JMJD7: variants seen among roughly 807,000 people sequenced by gnomAD.
JMJD7 encodes the protein bifunctional peptidase and (3S)-lysyl hydroxylase JMJD7.
In JMJD7, 41 loss-of-function variants were observed where a neutral mutation model predicts 41.1. That is an observed-to-expected ratio of 1.00 (90% CI 0.78 to 1.30). The LOEUF is 1.30. JMJD7 is among the 50% of genes most tolerant of loss of function. The pLI is 0.00. For missense variants in JMJD7, 480 were observed against 420.7 expected (o/e 1.14, Z -1.23); for synonymous variants, 202 against 177.2 (o/e 1.14, Z -1.11).
In JMJD7 at chr15:41,835,509, G is replaced by A. The variant is rs1885358405; in HGVS notation, c.473-79G>A. The A allele has an allele frequency of 1.9e-6, 3 of 1,559,426 alleles. No individual in the cohort carries two copies. In the South Asian group the frequency reaches 3.6e-5, roughly 19 times the overall value. ...TTGGGATTCTTCTGTGCTCACCCAG[G>A]TTTTGGCTCTGGCATCACTGGATGG... On this transcript the variant is annotated intron_variant, in intron 3 of 7. Transcript: ENST00000397299.
rs144517850 is a variant in JMJD7 at position 41,836,209 on chromosome 15, C to A, written c.591C>A (p.Phe197Leu). 6.2e-7 allele frequency: 1 copy of A among 1,612,882 alleles called. No individual in the cohort carries two copies. Among genetic ancestry groups the A allele is most frequent in the African/African-American group, 1.3e-5 (1 of 74,884 alleles). ...CVVSGEKHFL[F>L]HPPSDRPFIP... ...TCTCAGGAGAGAAGCATTTCCTGTT[C>A]CATCCGCCCAGCGACCGGCCCTTCA... Residue 197 changes from phenylalanine to leucine, a missense_variant, in exon 5 of 8, where the codon TTC (phenylalanine) becomes TTA (leucine). Transcript: ENST00000397299.
rs751244075 is a variant in JMJD7, at chr15:41,834,778, C to T, written c.103C>T (p.Pro35Ser). 4 of 1,614,172 alleles carry T rather than the reference C, an allele frequency of 2.5e-6. No individual in the cohort carries two copies. The highest frequency in any genetic ancestry group is 4.5e-5 in the East Asian group (2 of 44,888). Residue 35 changes from proline to serine, a missense_variant, in exon 2 of 8, where the codon CCC becomes TCC. By Grantham distance (74) the Pro-to-Ser change is moderately conservative. Coordinates refer to ENST00000397299, the MANE Select transcript of JMJD7 (RefSeq NM_001114632.2). ...VPLAVPYLDK[P>S]PTPLHFYRDW... The stretch of plus-strand genomic sequence containing the variant: ...TCTTGCTGTGCCCTACCTGGACAAA[C>T]CCCCAACTCCGCTCCACTTCTACCG...
Position 41,834,758 on chromosome 15 carries a change from C to T in JMJD7, c.83C>T (p.Ala28Val). 6.2e-7 allele frequency: 1 copy of T among 1,614,140 alleles called. No homozygotes were observed. Among genetic ancestry groups the T allele is most frequent in the Non-Finnish European group, 8.5e-7 (1 of 1,180,018 alleles). ...CTCTCAGAGCTCTGCGTGCCTCTTG[C>T]TGTGCCCTACCTGGACAAACCCCCA... ...AAARELCVPL[A>V]VPYLDKPPTP... Residue 28 changes from alanine (A) to valine (V), a missense_variant, in exon 2 of 8, where the codon GCT becomes GTT. Coordinates refer to ENST00000397299, the MANE Select transcript of JMJD7 (RefSeq NM_001114632.2).
chr15:41,828,111 G>A lies in JMJD7; in HGVS notation c.-14G>A, dbSNP rs753239869. The A allele has an allele frequency of 1.4e-6, 2 of 1,442,978 alleles. No individual in the cohort carries two copies. The highest frequency in any genetic ancestry group is 3.0e-5 in the Admixed American group (1 of 33,014). 89.4% of individuals were successfully genotyped at this position (1,442,978 alleles called of 1,614,324 possible). ...TCGGGGAAAGGCGGGGTCTCGGCCG[G>A]CGCTGACGCAGCCATGGCGGAGGCG... On this transcript the variant is annotated 5_prime_UTR_variant, in exon 1 of 8. Transcript: ENST00000397299.
chr15:41,832,477 A>G (rs567822581), intron 1 of JMJD7: 1 of 153,230 alleles, frequency 6.5e-6, no homozygotes, highest in East Asian at 1.9e-4. Context: ...TACAACAGGA[A>G]GATGTACTGA....
rs1474866434 is a variant in JMJD7, at chr15:41,837,099, C to T, written c.894C>T (p.Leu298=). ...TCTGGTATGACATGGAATACGACCT[C>T]AAGTATAGTTACTTCCAGCTGCTCG... is the stretch of plus-strand genomic sequence containing the variant. ...VNFWYDMEYD[L]KYSYFQLLDS... The change falls in exon 8 of 8, where the codon CTC becomes CTT. Residue 298 remains leucine, a synonymous_variant. Coordinates refer to ENST00000397299, the MANE Select transcript of JMJD7 (RefSeq NM_001114632.2). 1.9e-6 allele frequency: 3 copies of T among 1,613,740 alleles called. No homozygotes were observed. Among genetic ancestry groups the T allele is most frequent in the Non-Finnish European group, 8.5e-7 (1 of 1,179,744 alleles).
At chr15:41,828,853 AAC>A (rs1212960906) in intron 1 of JMJD7, among the ~76,000 whole-genome samples, 12 of 152,310 alleles carry the variant, frequency 7.9e-5, no homozygotes, top group African/African-American at 2.6e-4. Flanking sequence ...TAGCCTGCTA[AAC>A]ACACTCTTCT....
intron 5 of JMJD7, 58 bp from the exon 6 acceptor site, chr15:41,836,417 G>T (rs537766249): frequency 5.3e-5 from 83 of 1,557,816 alleles, no homozygotes; most frequent in Admixed American, 4.5e-4. Flanking sequence ...GTGGAGGAGG[G>T]TCTGGCAAGT....
At chr15:41,833,418 T>A (rs7169148) in intron 1 of JMJD7, among the ~76,000 whole-genome samples, 935 of 50,484 alleles carry the variant, frequency 0.019, 11 homozygotes, top group African/African-American at 0.056. Flanking sequence ...ATATATATTT[T>A]TTTTTTTTTT....
At chr15:41,831,461 C>T (rs1376099966) in intron 1 of JMJD7, among the ~76,000 whole-genome samples, 1 of 152,180 alleles carries the variant, frequency 6.6e-6, no homozygotes, top group Non-Finnish European at 1.5e-5. Context: ...ACATCAGTGC[C>T]GGGACCATTT....
At position 41,835,185 on chromosome 15, in the gene JMJD7, A is replaced by T; in HGVS notation, c.434A>T (p.Asp145Val). 6.2e-7 allele frequency: 1 copy of T among 1,602,102 alleles called. No homozygotes were observed. Among genetic ancestry groups the T allele is most frequent in the Non-Finnish European group, 8.5e-7 (1 of 1,179,904 alleles). ...LPSELPQLLP[D>V]LESHVPWASE... ...AGCGAGCTGCCCCAGCTGCTGCCTG[A>T]TCTGGAATCCCATGTGCCCTGGGCC... The change falls in exon 3 of 8, where the codon GAT becomes GTT. Residue 145 changes from aspartate to valine, a missense_variant. By Grantham distance (152) the Asp-to-Val change is radical (BLOSUM62 -3). Coordinates refer to ENST00000397299, the MANE Select transcript of JMJD7 (RefSeq NM_001114632.2).
At chr15:41,833,415 T>TG (rs1555457127) in intron 1 of JMJD7, among the ~76,000 whole-genome samples, 1 of 23,294 alleles carries the variant, frequency 4.3e-5, no homozygotes, top group African/African-American at 1.6e-4. Flanking sequence ...TATATATATA[T>TG]TTTTTTTTTT....
Position 41,837,557 on chromosome 15 carries a change from C to G in JMJD7, c.*401C>G. The G allele has an allele frequency of 5.2e-6, 1 of 192,770 alleles. No homozygotes were observed. Among genetic ancestry groups the G allele is most frequent in the Non-Finnish European group, 1.0e-5 (1 of 95,960 alleles). The allele number at this position is 192,770 out of a possible 1,614,324, so 11.9% of individuals were successfully genotyped here. ...ACCAGCATGGAGCTGGCACACAGGA[C>G]ATGTTGAATAAAAGGTAGCTGTGAG... On this transcript the variant is annotated 3_prime_UTR_variant, in exon 8 of 8. Transcript: ENST00000397299.
At chr15:41,836,997 C>T (rs999252965) in intron 7 of JMJD7, 57 bp downstream of exon 7, 9 of 1,610,306 alleles carry the variant, frequency 5.6e-6, no homozygotes, top group Non-Finnish European at 7.6e-6. Context: ...AGCAGGGCCT[C>T]TGGGGGGAGG....
In JMJD7 at chr15:41,836,179, C is replaced by T. The variant is rs559918202; in HGVS notation, c.561C>T (p.Cys187=). The change falls in exon 5 of 8, where the codon TGC becomes TGT. Residue 187 remains cysteine (C), a synonymous_variant. Transcript: ENST00000397299. Reference sequence around the variant, plus strand: ...AGGACCACTATGAGAACCTCTACTGCGTGGTCTCAGGAGAGAAGCATTTCC... The same window carrying T: ...AGGACCACTATGAGAACCTCTACTGTGTGGTCTCAGGAGAGAAGCATTTCC... ...LHKDHYENLY[C]VVSGEKHFLF... is the part of the protein sequence containing the mutation. The T allele has an allele frequency of 5.6e-6, 9 of 1,611,624 alleles. No homozygotes were observed. Among genetic ancestry groups the T allele is most frequent in the East Asian group, 2.2e-5 (1 of 44,872 alleles).
rs751624183 is a variant in JMJD7, at chr15:41,835,032, TGA to T, written c.285_286del (p.Asp97SerfsTer7). The stretch of plus-strand genomic sequence containing the variant: ...ACCCCAGATGGTTACGCGGATGCCG[TGA>T]GAGGGGATCGCTTCATGATGCCAGC... On this transcript the variant is annotated frameshift_variant, in exon 3 of 8. Transcript: ENST00000397299. LOFTEE classifies it high-confidence loss of function. 34 of 1,613,818 alleles carry T rather than the reference TGA, an allele frequency of 2.1e-5. No homozygotes were observed. The highest frequency in any genetic ancestry group is 1.0e-4 in the Admixed American group (6 of 60,014).
intron 1 of JMJD7, among the ~76,000 whole-genome samples, chr15:41,831,891 CA>C (rs1306306517): frequency 3.9e-5 from 6 of 152,216 alleles, no homozygotes; most frequent in Non-Finnish European, 8.8e-5. Context: ...AGGACTGAAC[CA>C]TGCGTCTTGC....
chr15:41,836,178 G>A lies in JMJD7; in HGVS notation c.560G>A (p.Cys187Tyr), dbSNP rs139476500. ...LHKDHYENLY[C>Y]VVSGEKHFLF... ...AAGGACCACTATGAGAACCTCTACT[G>A]CGTGGTCTCAGGAGAGAAGCATTTC... Residue 187 changes from cysteine (C) to tyrosine (Y), a missense_variant, in exon 5 of 8, where the codon TGC becomes TAC. By Grantham distance (194) the Cys-to-Tyr change is radical. Coordinates refer to ENST00000397299, the MANE Select transcript of JMJD7 (RefSeq NM_001114632.2). 8.7e-6 allele frequency: 14 copies of A among 1,611,770 alleles called. No homozygotes were observed. The Middle Eastern group carries it at 9.9e-4, about 114-fold the overall frequency.
At chr15:41,832,032 TC>T (rs1176862850) in intron 1 of JMJD7, among the ~76,000 whole-genome samples, 1 of 152,178 alleles carries the variant, frequency 6.6e-6, no homozygotes, top group African/African-American at 2.4e-5. Context: ...TCTGCAAGCT[TC>T]CAGGCACCAC....
Sources: gnomAD v4.1 joint callset for allele counts (sites outside exome capture counted in the v4.1 genomes callset) on GRCh38, gnomAD v4.1.1 for gene constraint, MANE v1.5 for transcripts, NCBI Gene and HGNC (gene_info 2026-07-23, HGNC 2026-07-21) for gene names.